The following AGL variants were observed in gnomAD, a reference collection of about 807,000 sequenced individuals.
The protein encoded by AGL is glycogen debranching enzyme.
In AGL, 128 loss-of-function variants were observed where a neutral mutation model predicts 199.3. That is an observed-to-expected ratio of 0.64 (90% confidence interval 0.56 to 0.74). The LOEUF (loss-of-function observed/expected upper bound fraction) is 0.74, where lower values mean the gene tolerates loss of function less well. AGL is among the 30% of genes least tolerant of loss of function. The pLI is 0.00. For missense variants in AGL, 1,809 were observed against 1,820.8 expected (o/e 0.99, Z 0.12); for synonymous variants, 584 against 594.7 (o/e 0.98, Z 0.26).
At chr1:99,912,879 A>G (rs1654848302) in intron 29 of AGL, among the ~76,000 whole-genome samples, 2 of 152,222 alleles carry the variant, frequency 1.3e-5, no homozygotes, top group South Asian at 4.1e-4. Flanking sequence ...ATTTTATAGT[A>G]CCCACATTTT....
intron 25 of AGL, among the ~76,000 whole-genome samples, chr1:99,897,821 G>A (rs1653452910): frequency 6.6e-6 from 1 of 151,876 alleles, no homozygotes; most frequent in African/African-American, 2.4e-5. Context: ...CAGTTAAGGT[G>A]CCTAGAGTAA....
rs1652873294 is a variant in AGL, at chr1:99,891,252, A to G, written c.2845A>G (p.Lys949Glu). 1 of 1,613,602 alleles carries G rather than the reference A, an allele frequency of 6.2e-7. No homozygotes were observed. The highest frequency in any genetic ancestry group is 1.3e-5 in the African/African-American group (1 of 74,916). The change falls in exon 22 of 34, where the codon AAG becomes GAG. Residue 949 changes from lysine to glutamate, a missense_variant. Lys to Glu is a moderately conservative substitution (Grantham distance 56, BLOSUM62 1). Transcript: ENST00000361915. ...LMSVLAEIRP[K>E]NDLGHPFCNN... ...GTCTGTATTGGCAGAAATAAGACCAAAGAATGACTTGGGGCATCCTTTTTG... is the reference window on the plus strand; with the variant it reads ...GTCTGTATTGGCAGAAATAAGACCAGAGAATGACTTGGGGCATCCTTTTTG...
intron 26 of AGL, among the ~76,000 whole-genome samples, chr1:99,901,271 G>C (rs1414324302): frequency 6.6e-6 from 1 of 151,074 alleles, no homozygotes; most frequent in Non-Finnish European, 1.5e-5. Flanking sequence ...AAGAAGCCAG[G>C]TGTATGGCAC....
Position 99,866,231 on chromosome 1 carries a change from T to A in AGL, c.664+1642T>A, listed in dbSNP as rs1650499392. The stretch of plus-strand genomic sequence containing the variant: ...GGCATTTTATGAGTTATAAATTGTA[T>A]GAGTTAGGATATGGCATAAGCAGCT... On this transcript the variant is annotated intron_variant, in intron 5 of 33. Coordinates refer to ENST00000361915, the MANE Select transcript of AGL (RefSeq NM_000642.3). Among the ~76,000 whole-genome samples, 2 of 152,234 alleles carry A rather than the reference T, an allele frequency of 1.3e-5. 1 individual carries two copies.
At chr1:99,857,365 C>T (rs1209149641) in intron 2 of AGL, among the ~76,000 whole-genome samples, 4 of 150,924 alleles carry the variant, frequency 2.7e-5, no homozygotes, top group Admixed American at 6.6e-5. Context: ...ACATCCCAGA[C>T]GAAGGGTGGC....
In AGL at chr1:99,881,339, A is replaced by G. The variant is rs1015495997; in HGVS notation, c.2049A>G (p.Glu683=). 8 of 1,614,044 alleles carry G rather than the reference A, an allele frequency of 5.0e-6. No homozygotes were observed. The Admixed American group carries it at 8.3e-5, about 17-fold the overall frequency. Reference sequence around the variant, plus strand: ...GGTTTTACACTAAGTGGAATCCTGAAGCATTGCCTTCAAACACAGGTGAAG... The same window carrying G: ...GGTTTTACACTAAGTGGAATCCTGAGGCATTGCCTTCAAACACAGGTGAAG... ...EERFYTKWNP[E]ALPSNTGEVN... The change falls in exon 16 of 34, where the codon GAA becomes GAG. Residue 683 remains glutamate, a synonymous_variant. Coordinates refer to ENST00000361915, the MANE Select transcript of AGL (RefSeq NM_000642.3).
In AGL at chr1:99,864,578, A is replaced by C; in HGVS notation, c.653A>C (p.Tyr218Ser). Residue 218 changes from tyrosine (Y) to serine (S), a missense_variant, in exon 5 of 34, where the codon TAC becomes TCC. By Grantham distance (144) the Tyr-to-Ser change is moderately radical. Coordinates refer to ENST00000361915, the MANE Select transcript of AGL (RefSeq NM_000642.3). The stretch of plus-strand genomic sequence containing the variant: ...GTTATTTGTATTACTGATGTTGTCT[A>C]CAATCATACTGGTATGAGCTTCATT... ...WNVICITDVV[Y>S]NHTAANSKWI... 1.9e-6 allele frequency: 3 copies of C among 1,613,536 alleles called. No homozygotes were observed. Among genetic ancestry groups the C allele is most frequent in the Non-Finnish European group, 1.7e-6 (2 of 1,179,628 alleles).
intron 21 of AGL, among the ~76,000 whole-genome samples, chr1:99,889,429 T>A (rs1228078919): frequency 6.6e-6 from 1 of 152,158 alleles, no homozygotes; most frequent in Admixed American, 6.5e-5. Flanking sequence ...GAAGTGTATG[T>A]GAGCCAGACA....
Position 99,889,358 on chromosome 1 carries a change from A to T in AGL, c.2812+1250A>T, listed in dbSNP as rs200604283. Among the ~76,000 whole-genome samples, 32 of 152,292 alleles carry T rather than the reference A, an allele frequency of 2.1e-4. No homozygotes were observed. The East Asian group carries it at 5.4e-3, about 26-fold the overall frequency. The stretch of plus-strand genomic sequence containing the variant: ...TTTTTTGAGACTTTTTGGATTTATG[A>T]TCTTTTTTTCTAAAATATTCTCATT... On this transcript the variant is annotated intron_variant, in intron 21 of 33. Transcript: ENST00000361915.
chr1:99,893,893 A>G (rs1238401546), intron 24 of AGL, among the ~76,000 whole-genome samples: 2 of 152,160 alleles, frequency 1.3e-5, no homozygotes, highest in African/African-American at 4.8e-5. Context: ...TAGTATTGCA[A>G]CAACAGCAAT....
At chr1:99,852,536 ATT>A (rs58176899) in intron 2 of AGL, 13,582 of 465,206 alleles carry the variant, frequency 0.029, no homozygotes, top group East Asian at 0.034. Context: ...TGCCCCGCTA[ATT>A]TTTTTTTTTT....
intron 2 of AGL, among the ~76,000 whole-genome samples, chr1:99,855,352 T>C (rs1387090563): frequency 6.8e-6 from 1 of 147,626 alleles, no homozygotes; most frequent in Non-Finnish European, 1.5e-5. Flanking sequence ...TTTCTTTCCT[T>C]CTCTCTTTTC....
intron 11 of AGL, 142 bp from the exon 12 acceptor site, chr1:99,877,497 ATC>A: frequency 1.4e-6 from 1 of 698,742 alleles, no homozygotes. Flanking sequence ...TTAAAACATT[ATC>A]TCATACCACT....
intron 28 of AGL, 115 bp downstream of exon 28, chr1:99,910,962 C>T: frequency 8.7e-7 from 1 of 1,155,080 alleles, no homozygotes. Flanking sequence ...ATCAAAATTT[C>T]CCTGCCTTCT....
chr1:99,917,429 A>G (rs529327178), intron 33 of AGL, among the ~76,000 whole-genome samples: 1 of 152,256 alleles, frequency 6.6e-6, no homozygotes, highest in Admixed American at 6.5e-5. Context: ...AGATTTTACC[A>G]TCCTTTTAAG....
intron 27 of AGL, among the ~76,000 whole-genome samples, chr1:99,905,436 T>G (rs1032138651): frequency 1.2e-4 from 19 of 152,268 alleles, no homozygotes; most frequent in South Asian, 1.0e-3. Context: ...CTTCGCCATG[T>G]TTTGGCCAGG....
chr1:99,851,943 G>A (rs1022704102), intron 2 of AGL, among the ~76,000 whole-genome samples: 2 of 151,996 alleles, frequency 1.3e-5, no homozygotes, highest in African/African-American at 2.4e-5. Flanking sequence ...TGCCAAATCC[G>A]CGCCTTTTTC....
At chr1:99,865,207 C>A (rs1650410256) in intron 5 of AGL, among the ~76,000 whole-genome samples, 1 of 152,002 alleles carries the variant, frequency 6.6e-6, no homozygotes, top group African/African-American at 2.4e-5. Context: ...TATAGTTTTA[C>A]ACATCCACTT....
chr1:99,873,962 T>G (rs1200364241), intron 7 of AGL, among the ~76,000 whole-genome samples: 2 of 152,346 alleles, frequency 1.3e-5, no homozygotes, highest in East Asian at 1.9e-4. Context: ...GAGGCAATCC[T>G]GTACCAGTTC....
Sources: allele counts gnomAD v4.1 joint callset (sites outside exome capture counted in the v4.1 genomes callset), GRCh38; gene constraint gnomAD v4.1.1; transcripts MANE v1.5; gene names NCBI Gene and HGNC (gene_info 2026-07-23, HGNC 2026-07-21).